TMEM117: variants seen among roughly 807,000 people sequenced by gnomAD.
TMEM117 encodes transmembrane protein 117.
TMEM117 carries 27 observed loss-of-function variants against 52.4 expected under a neutral mutation model. The ratio of observed to expected loss-of-function variants is 0.51; its 90% CI spans 0.38 to 0.71. The LOEUF is 0.71. TMEM117 is among the 30% of genes least tolerant of loss of function. The pLI, the probability that TMEM117 is intolerant of heterozygous loss-of-function variation, is 0.00. For missense variants in TMEM117, 556 were observed against 630.5 expected, an observed-to-expected ratio of 0.88 and a Z score of 1.26; for synonymous variants, 215 against 206.3, an observed-to-expected ratio of 1.04 and a Z score of -0.36.
At chr12:44,298,687 A>G in intron 5 of TMEM117, among the ~76,000 whole-genome samples, 1 of 151,038 alleles carries the variant, frequency 6.6e-6, no homozygotes, top group East Asian at 1.9e-4. Flanking sequence ...ATAAGAGAAA[A>G]TGTCAGGCTC....
chr12:44,240,442 T>C (rs1435233672), intron 5 of TMEM117, among the ~76,000 whole-genome samples: 2 of 152,062 alleles, frequency 1.3e-5, no homozygotes, highest in Non-Finnish European at 2.9e-5. Context: ...TATTGAATAA[T>C]CAAGTGTTCT....
intron 3 of TMEM117, among the ~76,000 whole-genome samples, chr12:43,961,056 A>G (rs911134301): frequency 1.3e-5 from 2 of 152,122 alleles, no homozygotes; most frequent in African/African-American, 2.4e-5. Context: ...TGAGTAAACT[A>G]TACTTTCTGA....
At chr12:44,344,381 G>A (rs1169062340) in intron 6 of TMEM117, among the ~76,000 whole-genome samples, 4 of 152,022 alleles carry the variant, frequency 2.6e-5, no homozygotes, top group African/African-American at 9.7e-5. Context: ...CTTTGTACTT[G>A]GTTTAATGAC....
chr12:43,842,457 GTTTATATTGCCAA>G (rs1565714410), intron 1 of TMEM117, among the ~76,000 whole-genome samples: 1 of 85,506 alleles, frequency 1.2e-5, no homozygotes, highest in East Asian at 2.2e-4. Flanking sequence ...TATTGCCAAT[GTTTATATTGCCAA>G]TGTTTATATT....
chr12:44,238,282 A>G (rs913930253), intron 5 of TMEM117, among the ~76,000 whole-genome samples: 30 of 152,170 alleles, frequency 2.0e-4, no homozygotes, highest in African/African-American at 7.2e-4. Flanking sequence ...TATTGTAAGT[A>G]CATAAGGAGA....
At chr12:44,152,529 T>TA (rs1948758695) in intron 4 of TMEM117, among the ~76,000 whole-genome samples, 1 of 118,972 alleles carries the variant, frequency 8.4e-6, no homozygotes, top group Non-Finnish European at 1.6e-5. Flanking sequence ...TATATATATA[T>TA]TTATATCATA....
intron 3 of TMEM117, among the ~76,000 whole-genome samples, chr12:44,138,063 A>G (rs1401068869): frequency 3.3e-5 from 5 of 152,146 alleles, no homozygotes; most frequent in Non-Finnish European, 7.4e-5. Flanking sequence ...AGATAAGGAA[A>G]TGGATGATTA....
At position 44,044,709 on chromosome 12, in the gene TMEM117, G is replaced by GTT. The variant is rs1555196489; in HGVS notation, c.411-98816_411-98815insTT. Among the ~76,000 whole-genome samples, 498 of 152,300 alleles carry GTT rather than the reference G, an allele frequency of 3.3e-3. 4 individuals carry two copies. The highest frequency in any genetic ancestry group is 0.011 in the African/African-American group (456 of 41,568). ...CATAGATGGCTTTGCATGATACACA[G>GTT]GCACCAACTGAAAGTGGACAGCTGC... On this transcript the variant is annotated intron_variant, in intron 3 of 7. Transcript: ENST00000266534.
intron 2 of TMEM117, among the ~76,000 whole-genome samples, chr12:43,884,463 C>T (rs886871779): frequency 6.6e-6 from 1 of 152,176 alleles, no homozygotes; most frequent in African/African-American, 2.4e-5. Flanking sequence ...TCAGTTCTCT[C>T]TAGCATTTCC....
intron 6 of TMEM117, among the ~76,000 whole-genome samples, chr12:44,350,907 T>C (rs1279348790): frequency 6.6e-6 from 1 of 152,044 alleles, no homozygotes; most frequent in East Asian, 1.9e-4. Context: ...GATCATATGT[T>C]AGCTCTATTC....
At chr12:44,062,746 C>T (rs1947158817) in intron 3 of TMEM117, among the ~76,000 whole-genome samples, 1 of 152,150 alleles carries the variant, frequency 6.6e-6, no homozygotes, top group Admixed American at 6.6e-5. Flanking sequence ...TAGTTAGTGA[C>T]TTATGAACCA....
intron 3 of TMEM117, among the ~76,000 whole-genome samples, chr12:43,992,693 T>C (rs867263338): frequency 1.3e-5 from 2 of 152,184 alleles, no homozygotes; most frequent in Non-Finnish European, 2.9e-5. Flanking sequence ...TGTGTCCAGG[T>C]CTGGCCCAGG....
At chr12:44,131,991 C>A (rs1416352492) in intron 3 of TMEM117, among the ~76,000 whole-genome samples, 1 of 151,830 alleles carries the variant, frequency 6.6e-6, no homozygotes, top group African/African-American at 2.4e-5. Flanking sequence ...TAGAGATTTT[C>A]TTCAAATATA....
chr12:44,052,204 A>G (rs1946984801), intron 3 of TMEM117, among the ~76,000 whole-genome samples: 1 of 152,176 alleles, frequency 6.6e-6, no homozygotes. Flanking sequence ...TTCTATTTTT[A>G]GCTTCAGTAC....
intron 4 of TMEM117, among the ~76,000 whole-genome samples, chr12:44,165,381 A>G (rs1400749304): frequency 2.0e-5 from 3 of 152,238 alleles, no homozygotes; most frequent in Admixed American, 6.5e-5. Context: ...GTAAACTTCA[A>G]TCTGTTTACA....
chr12:44,285,262 G>A (rs1427262081), intron 5 of TMEM117, among the ~76,000 whole-genome samples: 2 of 152,050 alleles, frequency 1.3e-5, no homozygotes, highest in African/African-American at 4.8e-5. Context: ...CTGTGCTCAG[G>A]GTTCTTTTCT....
At chr12:44,374,117 T>G (rs1951904899) in intron 6 of TMEM117, among the ~76,000 whole-genome samples, 1 of 152,094 alleles carries the variant, frequency 6.6e-6, no homozygotes, top group Admixed American at 6.6e-5. Context: ...GCACCACATG[T>G]TCTGCAAAAC....
chr12:44,385,581 A>G (rs1346619795), intron 7 of TMEM117, among the ~76,000 whole-genome samples: 1 of 152,164 alleles, frequency 6.6e-6, no homozygotes, highest in Non-Finnish European at 1.5e-5. Flanking sequence ...GCCTTGCAAC[A>G]GAGTGAGACA....
chr12:43,893,010 G>C (rs1417786124), intron 2 of TMEM117, among the ~76,000 whole-genome samples: 1 of 152,246 alleles, frequency 6.6e-6, no homozygotes, highest in East Asian at 1.9e-4. Context: ...AGCTGGATAT[G>C]ATGTTCCAGA....
Sources: gnomAD v4.1 joint callset for allele counts (sites outside exome capture counted in the v4.1 genomes callset) on GRCh38, gnomAD v4.1.1 for gene constraint, MANE v1.5 for transcripts, NCBI Gene and HGNC (gene_info 2026-07-23, HGNC 2026-07-21) for gene names.